The following FAF1 variants were observed in gnomAD, a reference collection of about 807,000 sequenced individuals.
The protein encoded by FAF1 is Fas associated factor 1.
In FAF1, 25 loss-of-function variants were observed where a neutral mutation model predicts 92.5. The observed-to-expected ratio is 0.27, with a 90% CI of 0.20 to 0.38. FAF1 has a LOEUF of 0.38. Among genes scored for constraint, FAF1 ranks in the 10% least tolerant of loss-of-function variants. The pLI is 1.00. For synonymous variants in FAF1, 234 were observed against 273.2 expected (o/e 0.86, Z 1.42); for missense variants, 636 against 793.3 (o/e 0.80, Z 2.38).
At chr1:50,876,787 T>C (rs1644575451) in intron 1 of FAF1, among the ~76,000 whole-genome samples, 1 of 152,184 alleles carries the variant, frequency 6.6e-6, no homozygotes, top group Non-Finnish European at 1.5e-5. Flanking sequence ...TTTTGCCATG[T>C]TGGCCAGGCT....
chr1:50,746,658 C>T (rs1659634917), intron 4 of FAF1, among the ~76,000 whole-genome samples: 1 of 151,784 alleles, frequency 6.6e-6, no homozygotes, highest in African/African-American at 2.4e-5. Context: ...ATTTGTAGCC[C>T]AGTTATGTGG....
intron 17 of FAF1, among the ~76,000 whole-genome samples, chr1:50,489,587 C>A (rs1053512545): frequency 5.3e-5 from 8 of 152,188 alleles, no homozygotes; most frequent in Admixed American, 4.6e-4. Context: ...TCCTGGAGAG[C>A]AGGATCCATG....
At chr1:50,927,024 C>T (rs187697672) in intron 1 of FAF1, among the ~76,000 whole-genome samples, 2 of 152,124 alleles carry the variant, frequency 1.3e-5, no homozygotes, top group African/African-American at 4.8e-5. Context: ...AGAACAAACA[C>T]TAAATAATTC....
rs545690407 is a variant in FAF1, at chr1:50,825,651, T to C, written c.115-23974A>G. 9.2e-4 allele frequency among the ~76,000 whole-genome samples: 140 copies of C among 152,026 alleles called. 1 individual carries two copies. The highest frequency in any genetic ancestry group is 3.1e-3 in the African/African-American group (128 of 41,514). Reference sequence around the variant, plus strand: ...AAAATTCTTACTAAAGAATATAGAATACCTGAACACAAAAAAAACCCGACA... The same window carrying C: ...AAAATTCTTACTAAAGAATATAGAACACCTGAACACAAAAAAAACCCGACA... On this transcript the variant is annotated intron_variant, in intron 2 of 18. Transcript: ENST00000396153.
At chr1:50,475,311 C>A (rs1646625022) in intron 18 of FAF1, among the ~76,000 whole-genome samples, 153 bp downstream of exon 18, 1 of 152,134 alleles carries the variant, frequency 6.6e-6, no homozygotes, top group South Asian at 2.1e-4. Context: ...TCTCCAAAAG[C>A]TAAGGAGAGA....
chr1:50,629,644 A>G (rs1169850088), intron 8 of FAF1, among the ~76,000 whole-genome samples: 3 of 152,108 alleles, frequency 2.0e-5, no homozygotes, highest in Non-Finnish European at 2.9e-5. Context: ...CCTTTTCAAT[A>G]CCCCTTCTTT....
intron 13 of FAF1, among the ~76,000 whole-genome samples, chr1:50,560,464 A>G: frequency 6.6e-6 from 1 of 152,340 alleles, no homozygotes; most frequent in South Asian, 2.1e-4. Flanking sequence ...ATGTGTGTAC[A>G]AAATTTAATA....
chr1:50,480,426 G>T (rs1172163685), intron 17 of FAF1, among the ~76,000 whole-genome samples: 3 of 152,082 alleles, frequency 2.0e-5, no homozygotes, highest in Admixed American at 2.0e-4. Flanking sequence ...TATAAATAAC[G>T]GTTTATAGCT....
intron 1 of FAF1, among the ~76,000 whole-genome samples, chr1:50,946,678 G>A (rs1645174374): frequency 6.6e-6 from 1 of 152,172 alleles, no homozygotes; most frequent in Non-Finnish European, 1.5e-5. Context: ...TTGACTCCCA[G>A]GTCAGAGACA....
chr1:50,554,364 A>AATATATATATATATATATATAT (rs149420376), intron 13 of FAF1, among the ~76,000 whole-genome samples: 1 of 117,180 alleles, frequency 8.5e-6, no homozygotes, highest in Admixed American at 8.9e-5. Context: ...AAATGAGGTA[A>AATATATATATATATATATATAT]ATATATATAT....
chr1:50,545,513 C>T (rs1648967403), intron 13 of FAF1, among the ~76,000 whole-genome samples: 1 of 152,044 alleles, frequency 6.6e-6, no homozygotes, highest in Admixed American at 6.6e-5. Flanking sequence ...AAGTGATCCA[C>T]CTGCCTTGGC....
intron 6 of FAF1, among the ~76,000 whole-genome samples, chr1:50,737,370 T>C (rs898765101): frequency 6.6e-6 from 1 of 152,196 alleles, no homozygotes; most frequent in African/African-American, 2.4e-5. Context: ...AGCAACAGAT[T>C]ATAAACAATG....
chr1:50,699,440 A>G lies in FAF1; in HGVS notation c.657+6346T>C, dbSNP rs181413870. Among the ~76,000 whole-genome samples the G allele has an allele frequency of 2.2e-4, 33 of 152,194 alleles. No homozygotes were observed. In the Middle Eastern group the frequency reaches 0.014, roughly 63 times the overall value. On this transcript the variant is annotated intron_variant, in intron 7 of 18. Coordinates refer to ENST00000396153, the MANE Select transcript of FAF1 (RefSeq NM_007051.3). ...GTTTGAAAGCATATTCCAAAGTAAG[A>G]TTATTAATTATACAACTGCAATTCA...
At chr1:50,530,241 GT>G (rs1648071461) in intron 15 of FAF1, among the ~76,000 whole-genome samples, 1 of 82,794 alleles carries the variant, frequency 1.2e-5, no homozygotes, top group African/African-American at 6.5e-5. Context: ...AAGAAGTGGT[GT>G]GTGTGTGTGT....
chr1:50,708,504 G>C (rs1410088483), intron 6 of FAF1, among the ~76,000 whole-genome samples: 1 of 151,520 alleles, frequency 6.6e-6, no homozygotes, highest in Non-Finnish European at 1.5e-5. Context: ...GATGTTTTGA[G>C]ATGTCTATTA....
chr1:50,664,672 T>C (rs1194501642), intron 7 of FAF1, among the ~76,000 whole-genome samples: 3 of 152,146 alleles, frequency 2.0e-5, no homozygotes, highest in Admixed American at 2.0e-4. Context: ...CGGGCGCCTG[T>C]AGTCCCAGCT....
chr1:50,689,529 A>G (rs1330509765), intron 7 of FAF1, among the ~76,000 whole-genome samples: 2 of 152,242 alleles, frequency 1.3e-5, no homozygotes, highest in Non-Finnish European at 1.5e-5. Flanking sequence ...GGTTGCAGTG[A>G]GCCGAGATTG....
intron 2 of FAF1, among the ~76,000 whole-genome samples, chr1:50,810,938 AG>A (rs570962242): frequency 9.0e-4 from 137 of 152,238 alleles, no homozygotes; most frequent in Non-Finnish European, 1.5e-3. Flanking sequence ...CCAGCCATTC[AG>A]GAGGCTGAGG....
intron 8 of FAF1, among the ~76,000 whole-genome samples, chr1:50,639,961 TTTG>T (rs1274227376): frequency 2.0e-5 from 3 of 150,190 alleles, no homozygotes; most frequent in Non-Finnish European, 4.4e-5. Flanking sequence ...AAGTAACAGC[TTTG>T]TTGTTATTTG....
Sources: gnomAD v4.1 joint callset for allele counts (sites outside exome capture counted in the v4.1 genomes callset) on GRCh38, gnomAD v4.1.1 for gene constraint, MANE v1.5 for transcripts, NCBI Gene and HGNC (gene_info 2026-07-23, HGNC 2026-07-21) for gene names.